The following C5 variants were observed in gnomAD, a reference collection of about 807,000 sequenced individuals.
C5 encodes the protein complement C5.
A neutral mutation model predicts 218.8 loss-of-function variants in C5; 140 were observed. The observed-to-expected ratio is 0.64, with a 90% CI of 0.56 to 0.74. C5 has a LOEUF of 0.74. C5 is among the 30% of genes least tolerant of loss of function. The pLI, the probability that C5 is intolerant of heterozygous loss-of-function variation, is 0.00. For synonymous variants in C5, 614 were observed against 682.3 expected, an observed-to-expected ratio of 0.90 and a Z score of 1.56; for missense variants, 1,700 against 1,969.6, an observed-to-expected ratio of 0.86 and a Z score of 2.59.
chr9:120,991,098 G>A (rs1215569937), intron 23 of C5, 93 bp downstream of exon 23: 59 of 828,926 alleles, frequency 7.1e-5, no homozygotes, highest in Admixed American at 7.0e-4. Context: ...TACTGAACAC[G>A]GAAGTGGAGA....
intron 32 of C5, 31 bp downstream of exon 32, chr9:120,970,139 A>ATGTGT (rs1401035991): frequency 2.7e-6 from 4 of 1,492,342 alleles, no homozygotes; most frequent in Non-Finnish European, 3.7e-6. Context: ...ATTTTTAGCC[A>ATGTGT]AAATTACAGC....
chr9:121,041,297 C>CTTTTTTTTTTTTTTTTTT (rs386416117), intron 3 of C5, among the ~76,000 whole-genome samples: 1 of 72,678 alleles, frequency 1.4e-5, no homozygotes. Context: ...TACATGAAGC[C>CTTTTTTTTTTTTTTTTTT]TTTTTTTTTT....
chr9:120,980,681 C>T (rs1002713275), intron 27 of C5, among the ~76,000 whole-genome samples: 10 of 152,170 alleles, frequency 6.6e-5, no homozygotes, highest in African/African-American at 2.4e-4. Flanking sequence ...AGCTCCGCCT[C>T]CCAGGTTCAC....
At chr9:121,066,926 T>C in the C5 span, among the ~76,000 whole-genome samples, 1 of 149,818 alleles carries the variant, frequency 6.7e-6, no homozygotes, top group South Asian at 2.1e-4. Context: ...TCTTACAAAG[T>C]TCAACATCCT....
intron 3 of C5, among the ~76,000 whole-genome samples, chr9:121,041,297 CTTT>C (rs386416117): frequency 2.8e-4 from 20 of 72,674 alleles, no homozygotes; most frequent in Admixed American, 1.6e-3. Flanking sequence ...TACATGAAGC[CTTT>C]TTTTTTTTTT....
In C5 at chr9:121,032,147, T is replaced by G; in HGVS notation, c.633A>C (p.Thr211=). Residue 211 remains threonine (T), a synonymous_variant, in exon 6 of 41, where the codon ACA becomes ACC. Coordinates refer to ENST00000223642, the MANE Select transcript of C5 (RefSeq NM_001735.3). The part of the protein sequence containing the change: ...IKAKYKEDFS[T]TGTAYFEVKE... ...TAACTTCAAAATATGCGGTTCCAGTTGTTGAAAAGTCCTCTTTATATTTAG... is the reference window on the plus strand; with the variant it reads ...TAACTTCAAAATATGCGGTTCCAGTGGTTGAAAAGTCCTCTTTATATTTAG... The G allele has an allele frequency of 6.2e-7, 1 of 1,608,024 alleles. No individual in the cohort carries two copies. Among genetic ancestry groups the G allele is most frequent in the Non-Finnish European group, 8.5e-7 (1 of 1,174,542 alleles).
chr9:121,071,928 C>A, the C5 span, among the ~76,000 whole-genome samples: 1 of 152,184 alleles, frequency 6.6e-6, no homozygotes, highest in East Asian at 1.9e-4. Flanking sequence ...AAATGCAACT[C>A]AGAGTACATT....
Position 121,008,501 on chromosome 9 carries a change from G to A in C5, c.2258-3C>T, listed in dbSNP as rs780117341. On this transcript the variant is annotated splice_region_variant and splice_polypyrimidine_tract_variant and intron_variant, in intron 17 of 40. Transcript: ENST00000223642. ...TACTGGTAACAGGGTCTTCATGTCT[G>A]GACAAAAAAATCATATTCAATTATG... The A allele has an allele frequency of 1.2e-6, 2 of 1,604,410 alleles. No homozygotes were observed. Among genetic ancestry groups the A allele is most frequent in the South Asian group, 2.2e-5 (2 of 90,834 alleles).
At chr9:120,968,951 C>T (rs979696893) in intron 33 of C5, 110 bp downstream of exon 33, 8 of 893,758 alleles carry the variant, frequency 9.0e-6, no homozygotes, top group Non-Finnish European at 1.1e-5. Context: ...AACAATTGAA[C>T]AATTTTGTAT....
At chr9:120,983,516 A>G (rs1374609586) in intron 25 of C5, among the ~76,000 whole-genome samples, 1 of 152,090 alleles carries the variant, frequency 6.6e-6, no homozygotes, top group African/African-American at 2.4e-5. Context: ...CCCCCACTTA[A>G]AAAATTTGTG....
chr9:121,025,680 G>A, intron 8 of C5, 100 bp from the exon 9 acceptor site: 1 of 1,167,780 alleles, frequency 8.6e-7, no homozygotes, highest in Non-Finnish European at 1.3e-6. Flanking sequence ...GAAGGTAAAT[G>A]TCAGAAGAAT....
chr9:121,000,611 TA>T (rs1171493464), intron 20 of C5, among the ~76,000 whole-genome samples: 1 of 152,084 alleles, frequency 6.6e-6, no homozygotes, highest in African/African-American at 2.4e-5. Context: ...TTATTTCAGA[TA>T]AAAAAATCTA....
chr9:121,041,677 C>T (rs2047582510), intron 3 of C5, among the ~76,000 whole-genome samples: 1 of 152,074 alleles, frequency 6.6e-6, no homozygotes, highest in South Asian at 2.1e-4. Flanking sequence ...AGACTGATGA[C>T]CCTTAGTTGT....
intron 20 of C5, among the ~76,000 whole-genome samples, chr9:121,004,337 A>G: frequency 6.6e-6 from 1 of 151,358 alleles, no homozygotes; most frequent in South Asian, 2.1e-4. Context: ...TTCATTTTCA[A>G]TGTATGTGCA....
In C5 at chr9:120,952,763, T is replaced by C. The variant is rs535056477; in HGVS notation, c.5007A>G (p.Glu1669=). The change falls in exon 41 of 41, where the codon GAA becomes GAG. Residue 1669 remains glutamate, a synonymous_variant. Transcript: ENST00000223642. ...TTTAGCATCCATTTAAAAAGATATC[T>C]TCGGCAAATTCATCTAAATTAGCTA... is the stretch of plus-strand genomic sequence containing the variant. ...AFLANLDEFA[E]DIFLNGC 6.2e-7 allele frequency: 1 copy of C among 1,613,608 alleles called. No homozygotes were observed. The highest frequency in any genetic ancestry group is 1.3e-5 in the African/African-American group (1 of 75,034).
chr9:121,061,405 C>T, the C5 span, among the ~76,000 whole-genome samples: 11 of 152,068 alleles, frequency 7.2e-5, no homozygotes, highest in South Asian at 2.3e-3. Context: ...AAAAATTAGC[C>T]GGGCGTGGTG....
chr9:120,967,014 C>T (rs1184928553), intron 33 of C5, among the ~76,000 whole-genome samples: 2 of 151,948 alleles, frequency 1.3e-5, no homozygotes, highest in Non-Finnish European at 2.9e-5. Flanking sequence ...AATCCCAGCA[C>T]TTTGGGAGGC....
intron 17 of C5, 124 bp from the exon 18 acceptor site, chr9:121,008,622 T>C (rs2047235948): frequency 9.3e-6 from 7 of 751,336 alleles, no homozygotes; most frequent in Non-Finnish European, 1.6e-5. Flanking sequence ...AAACATTTTG[T>C]TTAATGCTTC....
At chr9:121,023,639 T>G in intron 9 of C5, 120 bp from the exon 10 acceptor site, 3 of 718,628 alleles carry the variant, frequency 4.2e-6, no homozygotes, top group Non-Finnish European at 7.7e-6. Flanking sequence ...ATTCTTGCAT[T>G]CATTCATTTA....
Sources: gnomAD v4.1 joint callset for allele counts (sites outside exome capture counted in the v4.1 genomes callset) on GRCh38, gnomAD v4.1.1 for gene constraint, MANE v1.5 for transcripts, NCBI Gene and HGNC (gene_info 2026-07-23, HGNC 2026-07-21) for gene names.